ACOT7: variants seen among roughly 807,000 people sequenced by gnomAD.
ACOT7 encodes the protein cytosolic acyl coenzyme A thioester hydrolase.
ACOT7 carries 12 observed loss-of-function variants against 40.2 expected under a neutral mutation model. The observed-to-expected ratio is 0.30, with a 90% confidence interval of 0.19 to 0.48. The LOEUF (loss-of-function observed/expected upper bound fraction) is 0.48. Ranked by LOEUF, ACOT7 falls within the 20% of genes least tolerant of loss-of-function variation. The probability of loss-of-function intolerance (pLI) is 0.99; values close to 1 mark genes in which losing one functional copy is unlikely to be tolerated. For synonymous variants in ACOT7, 228 were observed against 219.5 expected, an observed-to-expected ratio of 1.04 and a Z score of -0.34; for missense variants, 395 against 530.8, an observed-to-expected ratio of 0.74 and a Z score of 2.51.
chr1:6,280,549 G>C (rs1639325768), intron 8 of ACOT7, among the ~76,000 whole-genome samples: 1 of 152,078 alleles, frequency 6.6e-6, no homozygotes, highest in South Asian at 2.1e-4. Flanking sequence ...CCCTGCATGA[G>C]GAGGAGAAAG....
intron 6 of ACOT7, among the ~76,000 whole-genome samples, chr1:6,305,259 C>A (rs1405596018): frequency 1.4e-4 from 21 of 145,584 alleles, no homozygotes; most frequent in Non-Finnish European, 2.7e-4. Flanking sequence ...CTGACCCCCC[C>A]ACCTCCCTCC....
intron 8 of ACOT7, among the ~76,000 whole-genome samples, chr1:6,270,039 G>A (rs76564376): frequency 0.024 from 3,610 of 152,332 alleles, 95 homozygotes; most frequent in Admixed American, 0.068. Context: ...GCCGCGGGGC[G>A]GTGTCTGTCC....
At chr1:6,349,902 G>C (rs1192213864) in intron 1 of ACOT7, 36 bp from the exon 2 acceptor site, 1 of 1,594,744 alleles carries the variant, frequency 6.3e-7, no homozygotes, top group Middle Eastern at 1.7e-4. Context: ...GGCCTCTGGA[G>C]AGGATGCCAT....
chr1:6,343,844 T>G (rs1364491979), intron 2 of ACOT7, among the ~76,000 whole-genome samples: 2 of 152,262 alleles, frequency 1.3e-5, no homozygotes, highest in African/African-American at 4.8e-5. Context: ...GGCAGAGGCC[T>G]TCCACCTCCC....
At chr1:6,381,524 CAG>C (rs137925084) in intron 1 of ACOT7, among the ~76,000 whole-genome samples, 1,719 of 151,570 alleles carry the variant, frequency 0.011, 36 homozygotes, top group African/African-American at 0.039. Flanking sequence ...CAAAAAAAAA[CAG>C]AAAATAACAA....
At chr1:6,268,397 T>G (rs1638916116) in intron 8 of ACOT7, among the ~76,000 whole-genome samples, 1 of 152,206 alleles carries the variant, frequency 6.6e-6, no homozygotes, top group Non-Finnish European at 1.5e-5. Flanking sequence ...ACCTTTTCTA[T>G]AATTAAAAAG....
intron 4 of ACOT7, 40 bp downstream of exon 4, chr1:6,333,437 G>A (rs371291152): frequency 1.9e-6 from 3 of 1,606,542 alleles, no homozygotes; most frequent in Non-Finnish European, 2.6e-6. Context: ...CCTGATCTCT[G>A]CCATCTGCCC....
intron 2 of ACOT7, among the ~76,000 whole-genome samples, chr1:6,347,853 T>C (rs900070266): frequency 6.6e-6 from 1 of 152,076 alleles, no homozygotes; most frequent in Non-Finnish European, 1.5e-5. Context: ...TGAAGCATTC[T>C]GGAGCTTTGC....
chr1:6,351,282 G>A (rs1433327815), intron 1 of ACOT7, among the ~76,000 whole-genome samples: 2 of 152,270 alleles, frequency 1.3e-5, no homozygotes, highest in Admixed American at 6.5e-5. Flanking sequence ...TTCCGTGGGA[G>A]GCTCAGGGAC....
At chr1:6,390,581 A>T (rs1642516590) in intron 1 of ACOT7, among the ~76,000 whole-genome samples, 1 of 151,816 alleles carries the variant, frequency 6.6e-6, no homozygotes, top group Admixed American at 6.6e-5. Context: ...CCAAAAAATA[A>T]AGAAACAATA....
At chr1:6,296,253 T>TCAAA (rs551654218) in intron 6 of ACOT7, among the ~76,000 whole-genome samples, 27 of 152,194 alleles carry the variant, frequency 1.8e-4, no homozygotes, top group African/African-American at 6.5e-4. Context: ...AGCTGTTATA[T>TCAAA]CAAACAAACA....
intron 1 of ACOT7, among the ~76,000 whole-genome samples, chr1:6,389,074 C>T (rs945164185): frequency 1.4e-4 from 21 of 152,102 alleles, no homozygotes; most frequent in Admixed American, 2.0e-4. Context: ...AAGGTAGAGC[C>T]CCTCTTTGTC....
At chr1:6,364,580 T>A (rs1641959944) in intron 1 of ACOT7, among the ~76,000 whole-genome samples, 1 of 149,316 alleles carries the variant, frequency 6.7e-6, no homozygotes, top group Non-Finnish European at 1.5e-5. Context: ...CCTGGCGCAG[T>A]GGCTCACGCC....
At chr1:6,360,527 C>T in intron 1 of ACOT7, 1 of 1,611,254 alleles carries the variant, frequency 6.2e-7, no homozygotes, top group Non-Finnish European at 8.5e-7. Flanking sequence ...CTTCCCTCCC[C>T]TGACCCCAAA....
chr1:6,383,434 G>A (rs1011015758), intron 1 of ACOT7, among the ~76,000 whole-genome samples: 10 of 151,228 alleles, frequency 6.6e-5, no homozygotes, highest in Non-Finnish European at 1.0e-4. Context: ...TGATCCATCC[G>A]CCTCAGCCTC....
chr1:6,385,740 T>C, intron 1 of ACOT7: 3 of 1,528,788 alleles, frequency 2.0e-6, no homozygotes, highest in South Asian at 1.3e-5. Context: ...TGTGTCTGCC[T>C]GGCCGGCTCA....
chr1:6,365,827 G>C (rs944253272), intron 1 of ACOT7, among the ~76,000 whole-genome samples: 1 of 151,896 alleles, frequency 6.6e-6, no homozygotes, highest in Non-Finnish European at 1.5e-5. Context: ...CCTTCAGTGA[G>C]TGGTATTCTT....
At chr1:6,292,693 T>G (rs184075373) in intron 7 of ACOT7, among the ~76,000 whole-genome samples, 13 of 151,298 alleles carry the variant, frequency 8.6e-5, no homozygotes, top group African/African-American at 3.2e-4. Context: ...TGTGTTTTTT[T>G]TTTTTTGCGA....
chr1:6,293,102 G>A (rs897176615), intron 7 of ACOT7, among the ~76,000 whole-genome samples: 2 of 152,152 alleles, frequency 1.3e-5, no homozygotes, highest in African/African-American at 4.8e-5. Context: ...TGTTAACCAG[G>A]ATGATCTCGC....
Sources: gnomAD v4.1 joint callset for allele counts (sites outside exome capture counted in the v4.1 genomes callset) on GRCh38, gnomAD v4.1.1 for gene constraint, MANE v1.5 for transcripts, NCBI Gene and HGNC (gene_info 2026-07-23, HGNC 2026-07-21) for gene names.